Variants in VAV2 observed in about 807,000 individuals in gnomAD.
VAV2 encodes vav guanine nucleotide exchange factor 2.
In VAV2, 67 loss-of-function variants were observed where a neutral mutation model predicts 132.5. That is an observed-to-expected ratio of 0.51 (90% confidence interval 0.42 to 0.62). VAV2 has a LOEUF of 0.62. Among genes scored for constraint, VAV2 ranks in the 20% least tolerant of loss-of-function variants. The pLI is 0.00. For synonymous variants in VAV2, 492 were observed against 443.5 expected, an observed-to-expected ratio of 1.11 and a Z score of -1.37; for missense variants, 938 against 1,153.6, an observed-to-expected ratio of 0.81 and a Z score of 2.71.
chr9:133,817,802 G>A (rs1330794906), intron 4 of VAV2, among the ~76,000 whole-genome samples: 3 of 152,084 alleles, frequency 2.0e-5, no homozygotes, highest in Non-Finnish European at 4.4e-5. Context: ...TTTCCCTGCT[G>A]AGGCTCTTCA....
chr9:133,875,523 G>A lies in VAV2; in HGVS notation c.322-14091C>T, dbSNP rs373127665. ...AGCAGCTCGAAGTGAGGGCTGCCTG[G>A]AGGAGGCGCAGGCCTATGATAAAGT... On this transcript the variant is annotated intron_variant, in intron 2 of 29. Transcript: ENST00000371850. 3.9e-5 allele frequency among the ~76,000 whole-genome samples: 6 copies of A among 152,330 alleles called. No individual in the cohort carries two copies. In the East Asian group the frequency reaches 1.2e-3, roughly 29 times the overall value.
Position 133,769,269 on chromosome 9 carries a change from C to A in VAV2, c.2434+148G>T. 1 of 880,498 alleles carries A rather than the reference C, an allele frequency of 1.1e-6. No homozygotes were observed. The highest frequency in any genetic ancestry group is 1.7e-6 in the Non-Finnish European group (1 of 584,634). 54.5% of individuals were successfully genotyped at this position (880,498 alleles called of 1,614,324 possible). A position where few individuals can be genotyped will look rare whatever the true frequency, so the allele number is the denominator to read the frequency against. On this transcript the variant is annotated intron_variant, in intron 28 of 29. Coordinates refer to ENST00000371850, the MANE Select transcript of VAV2 (RefSeq NM_001134398.2). This position sits in a 1 kb window ranked among gnomAD's most constrained non-coding sequence, Gnocchi z 8.1. ...AGCAGCCTCTGCCCGGCCTCCCCAG[C>A]CCCTTTCTCCCCTCCACCCAGTGCC... is the stretch of plus-strand genomic sequence containing the variant.
At chr9:133,900,766 GATTT>G (rs10538806) in intron 2 of VAV2, among the ~76,000 whole-genome samples, 66,253 of 144,820 alleles carry the variant, frequency 0.46, 15,884 homozygotes, top group Middle Eastern at 0.56. Context: ...CTCCTGTCTT[GATTT>G]ATTTATTTAT....
chr9:133,965,033 T>C (rs1842099416), intron 1 of VAV2, among the ~76,000 whole-genome samples: 1 of 152,070 alleles, frequency 6.6e-6, no homozygotes, highest in Admixed American at 6.6e-5. Context: ...AGTCAAACTG[T>C]CCCTGTTTGC....
At chr9:133,870,227 T>C (rs566817103) in intron 2 of VAV2, among the ~76,000 whole-genome samples, 3 of 152,162 alleles carry the variant, frequency 2.0e-5, no homozygotes, top group Admixed American at 1.3e-4. Context: ...GGGCCCAACA[T>C]CAATATCAGA....
rs374227380 is a variant in VAV2 at position 133,848,776 on chromosome 9, TC to T, written c.380+12597del. 9.7e-4 allele frequency among the ~76,000 whole-genome samples: 148 copies of T among 152,238 alleles called. 1 individual carries two copies. Among genetic ancestry groups the T allele is most frequent in the African/African-American group, 3.5e-3 (145 of 41,548 alleles). ...AGGCAGGCTCCTGCGTCGTTCAGGC[TC>T]CCCTGAACTCCTGGCAGCCCATCCC... On this transcript the variant is annotated intron_variant, in intron 3 of 29. Transcript: ENST00000371850.
At chr9:133,877,769 G>A (rs1055984842) in intron 2 of VAV2, among the ~76,000 whole-genome samples, 2 of 152,168 alleles carry the variant, frequency 1.3e-5, no homozygotes, top group African/African-American at 2.4e-5. Flanking sequence ...GGCTTCACTG[G>A]CCTCCCTAAT....
At chr9:133,773,765 G>T (rs982392788) in intron 25 of VAV2, among the ~76,000 whole-genome samples, 1 of 152,126 alleles carries the variant, frequency 6.6e-6, no homozygotes, top group East Asian at 1.9e-4. Context: ...AGTAGAAGGA[G>T]TATGCTCTAA....
chr9:133,895,728 A>G (rs938542505), intron 2 of VAV2, among the ~76,000 whole-genome samples: 6 of 152,292 alleles, frequency 3.9e-5, no homozygotes, highest in African/African-American at 1.4e-4. Context: ...TGGTGGATAC[A>G]TGGCCTTGTG....
At chr9:133,764,265 C>T (rs1833362332) in intron 29 of VAV2, among the ~76,000 whole-genome samples, 156 bp from the exon 30 acceptor site, 1 of 152,032 alleles carries the variant, frequency 6.6e-6, no homozygotes, top group Non-Finnish European at 1.5e-5. Flanking sequence ...GAACCATTGC[C>T]TGGGAGTAAG....
At chr9:133,956,114 T>G (rs1044402457) in intron 1 of VAV2, among the ~76,000 whole-genome samples, 1 of 152,030 alleles carries the variant, frequency 6.6e-6, no homozygotes, top group Admixed American at 6.5e-5. Context: ...GGAGCCTCAG[T>G]TTCCCCAACC....
intron 2 of VAV2, among the ~76,000 whole-genome samples, chr9:133,897,898 C>A (rs1433371773): frequency 1.3e-5 from 2 of 152,088 alleles, no homozygotes; most frequent in East Asian, 3.9e-4. Context: ...GCAGCCTCTG[C>A]CAATTAAAAC....
chr9:133,792,629 CGT>C (rs953520930), intron 12 of VAV2, among the ~76,000 whole-genome samples: 24 of 151,282 alleles, frequency 1.6e-4, no homozygotes, highest in African/African-American at 5.6e-4. Flanking sequence ...TGTGTGTGAG[CGT>C]GTGTGTGCAT....
intron 29 of VAV2, among the ~76,000 whole-genome samples, chr9:133,765,070 G>A (rs939725616): frequency 3.3e-5 from 5 of 152,160 alleles, no homozygotes; most frequent in Non-Finnish European, 5.9e-5. Context: ...CCTGGGGGAC[G>A]ATGAATAAGT....
chr9:133,967,803 T>G (rs907500561), intron 1 of VAV2, among the ~76,000 whole-genome samples: 3 of 151,784 alleles, frequency 2.0e-5, no homozygotes, highest in Non-Finnish European at 4.4e-5. Context: ...TGTGGTGGTG[T>G]GCACCTGTAG....
intron 1 of VAV2, among the ~76,000 whole-genome samples, chr9:133,941,928 T>G (rs1239254542): frequency 2.6e-5 from 4 of 152,134 alleles, no homozygotes; most frequent in African/African-American, 9.7e-5. Context: ...ATGAGGCCCC[T>G]GGAGTCGTCA....
At chr9:133,871,601 C>T (rs1838059033) in intron 2 of VAV2, among the ~76,000 whole-genome samples, 1 of 152,064 alleles carries the variant, frequency 6.6e-6, no homozygotes, top group Non-Finnish European at 1.5e-5. Flanking sequence ...AGAAGATGAG[C>T]CCCTGACGGC....
intron 15 of VAV2, among the ~76,000 whole-genome samples, chr9:133,787,490 G>A (rs1834274084): frequency 6.6e-6 from 1 of 152,206 alleles, no homozygotes; most frequent in South Asian, 2.1e-4. Context: ...TTGGGCATGA[G>A]GGCAGGGAGG....
chr9:133,822,039 AACCTGCC>A (rs1564379391), intron 4 of VAV2, among the ~76,000 whole-genome samples: 1 of 152,068 alleles, frequency 6.6e-6, no homozygotes, highest in Non-Finnish European at 1.5e-5. Flanking sequence ...GGGACGGCAA[AACCTGCC>A]ACCTTCACCT....
Sources: allele counts gnomAD v4.1 joint callset (sites outside exome capture counted in the v4.1 genomes callset), GRCh38; gene constraint gnomAD v4.1.1; non-coding constraint Gnocchi (gnomAD v3.1); transcripts MANE v1.5; gene names NCBI Gene and HGNC (gene_info 2026-07-23, HGNC 2026-07-21).